The following SPAG16 variants were observed in gnomAD, a reference collection of about 807,000 sequenced individuals.
SPAG16 encodes sperm-associated antigen 16 protein.
SPAG16 carries 86 observed loss-of-function variants against 80.4 expected under a neutral mutation model. That is an observed-to-expected ratio of 1.07 (90% CI 0.90 to 1.28). SPAG16 has a LOEUF of 1.28. Among genes scored for constraint, SPAG16 ranks in the 50% most tolerant of loss-of-function variants. SPAG16 has a pLI of 0.00. For synonymous variants in SPAG16, 294 were observed against 265.9 expected, an observed-to-expected ratio of 1.11 and a Z score of -1.03; for missense variants, 870 against 765.3, an observed-to-expected ratio of 1.14 and a Z score of -1.61.
At chr2:214,173,439 T>C (rs2056954662) in intron 15 of SPAG16, among the ~76,000 whole-genome samples, 1 of 152,044 alleles carries the variant, frequency 6.6e-6, no homozygotes, top group African/African-American at 2.4e-5. Context: ...AGGGCTCTGT[T>C]CTGTTCCATT....
chr2:213,560,071 T>C (rs951438874), intron 10 of SPAG16, among the ~76,000 whole-genome samples: 3 of 152,072 alleles, frequency 2.0e-5, no homozygotes, highest in South Asian at 4.1e-4. Flanking sequence ...ATTATAAATA[T>C]TGAATGCATT....
intron 10 of SPAG16, among the ~76,000 whole-genome samples, chr2:213,833,390 C>G (rs1307186938): frequency 9.0e-6 from 1 of 110,532 alleles, no homozygotes; most frequent in East Asian, 2.4e-4. Flanking sequence ...AGGCATGAGG[C>G]ATGTGTGTGA....
intron 11 of SPAG16, among the ~76,000 whole-genome samples, chr2:213,891,230 G>A (rs1033596741): frequency 2.0e-5 from 3 of 152,020 alleles, no homozygotes; most frequent in Admixed American, 6.6e-5. Context: ...TCAATTGATG[G>A]ACACTTTGAA....
rs200580108 is a variant in SPAG16 at position 214,168,164 on chromosome 2, A to AT, written c.1720+18906dup. ...ACCACCACACCCAGCTAATTTTTGT[A>AT]TTTTTTTTGTAGAGATGGAAATTCA... On this transcript the variant is annotated intron_variant, in intron 15 of 15. Coordinates refer to ENST00000331683, the MANE Select transcript of SPAG16 (RefSeq NM_024532.5). 3.4e-3 allele frequency among the ~76,000 whole-genome samples: 510 copies of AT among 150,684 alleles called. 3 individuals are homozygous for AT. The highest frequency in any genetic ancestry group is 0.011 in the African/African-American group (468 of 41,156).
chr2:214,312,849 C>A (rs1402488956), intron 15 of SPAG16, among the ~76,000 whole-genome samples: 3 of 152,068 alleles, frequency 2.0e-5, no homozygotes. Context: ...AATGGACTTT[C>A]CCTTTCTTGC....
At chr2:213,307,362 C>G (rs867029027) in intron 3 of SPAG16, among the ~76,000 whole-genome samples, 1 of 121,794 alleles carries the variant, frequency 8.2e-6, no homozygotes, top group Non-Finnish European at 1.7e-5. Flanking sequence ...CCCCTCCCCC[C>G]ACCCCACAAC....
chr2:213,419,853 T>C (rs1174514116), intron 9 of SPAG16, among the ~76,000 whole-genome samples: 2 of 152,206 alleles, frequency 1.3e-5, no homozygotes, highest in African/African-American at 2.4e-5. Flanking sequence ...CAAGTAGTGC[T>C]AAGTATGTAT....
chr2:213,292,692 A>AAAAAAC lies in SPAG16; in HGVS notation c.137-3370_137-3369insAAACAA, dbSNP rs142889153. On this transcript the variant is annotated intron_variant, in intron 1 of 15. Transcript: ENST00000331683. ...AAAAAAAAACAAAAAAAACAAAAAA[A>AAAAAAC]AACAAAACTATCAGAAAGATATAAA... 6.0e-4 allele frequency among the ~76,000 whole-genome samples: 81 copies of AAAAAAC among 135,910 alleles called. 1 individual carries two copies. The highest frequency in any genetic ancestry group is 1.2e-3 in the Non-Finnish European group (73 of 62,630). 89.2% of individuals were successfully genotyped at this position (135,910 alleles called of 152,430 possible). A position where few individuals can be genotyped will look rare whatever the true frequency, so the allele number is the denominator to read the frequency against.
At chr2:213,981,250 A>G (rs930296306) in intron 12 of SPAG16, among the ~76,000 whole-genome samples, 3 of 152,166 alleles carry the variant, frequency 2.0e-5, no homozygotes, top group African/African-American at 7.2e-5. Context: ...ACTCTAATCA[A>G]TTCCTTATTC....
chr2:214,059,202 ATATATATATATATGTATGTG>A (rs2050110462), intron 13 of SPAG16, among the ~76,000 whole-genome samples: 1 of 107,328 alleles, frequency 9.3e-6, no homozygotes, highest in Non-Finnish European at 1.8e-5. Context: ...ATATATATAT[ATATATATATATATGTATGTG>A]TATATATATA....
At chr2:214,006,361 A>G (rs1281777188) in intron 12 of SPAG16, among the ~76,000 whole-genome samples, 2 of 152,230 alleles carry the variant, frequency 1.3e-5, no homozygotes, top group East Asian at 1.9e-4. Flanking sequence ...TAACATATGT[A>G]TGGGAGATGC....
intron 15 of SPAG16, among the ~76,000 whole-genome samples, chr2:214,349,347 T>C (rs1698259520): frequency 6.6e-6 from 1 of 152,246 alleles, no homozygotes; most frequent in Non-Finnish European, 1.5e-5. Context: ...AATGCAGTCA[T>C]ACAATATGTA....
chr2:213,680,193 A>G (rs1361624952), intron 10 of SPAG16, among the ~76,000 whole-genome samples: 1 of 152,092 alleles, frequency 6.6e-6, no homozygotes, highest in Non-Finnish European at 1.5e-5. Flanking sequence ...AAATTCCACC[A>G]CTGGCAGAAA....
At chr2:213,495,897 T>C (rs1310024186) in intron 10 of SPAG16, among the ~76,000 whole-genome samples, 2 of 152,098 alleles carry the variant, frequency 1.3e-5, no homozygotes, top group Admixed American at 6.6e-5. Context: ...TAAGTGACCC[T>C]GGAGAATAGG....
At chr2:213,694,376 C>T (rs1344339720) in intron 10 of SPAG16, among the ~76,000 whole-genome samples, 1 of 152,184 alleles carries the variant, frequency 6.6e-6, no homozygotes. Flanking sequence ...TAATTGTTCA[C>T]AATTTTACTA....
rs1398200873 is a variant in SPAG16, at chr2:214,116,523, T to A, written c.1593+8262T>A. 2.0e-5 allele frequency among the ~76,000 whole-genome samples: 3 copies of A among 152,148 alleles called. No homozygotes were observed. In the East Asian group the frequency reaches 5.8e-4, roughly 29 times the overall value. On this transcript the variant is annotated intron_variant, in intron 14 of 15. Coordinates refer to ENST00000331683, the MANE Select transcript of SPAG16 (RefSeq NM_024532.5). ...GGGCCAGTGAGACAGGTTCGTCAGC[T>A]GCTGTCACACAGCAGATCCTGAGAG...
intron 10 of SPAG16, among the ~76,000 whole-genome samples, chr2:213,844,692 T>C (rs1257129142): frequency 6.6e-6 from 1 of 152,210 alleles, no homozygotes; most frequent in Non-Finnish European, 1.5e-5. Context: ...CTAAGGAGCA[T>C]AAATTTTTTT....
chr2:214,286,863 C>T (rs1693404607), intron 15 of SPAG16, among the ~76,000 whole-genome samples: 1 of 152,150 alleles, frequency 6.6e-6, no homozygotes, highest in South Asian at 2.1e-4. Context: ...TAATGCTACC[C>T]ATAGTAGGCT....
chr2:214,354,570 A>G (rs1327002643), intron 15 of SPAG16, among the ~76,000 whole-genome samples: 1 of 152,092 alleles, frequency 6.6e-6, no homozygotes, highest in Admixed American at 6.6e-5. Flanking sequence ...ATGGCATTGA[A>G]TCTATAAATT....
Sources: gnomAD v4.1 joint callset for allele counts (sites outside exome capture counted in the v4.1 genomes callset) on GRCh38, gnomAD v4.1.1 for gene constraint, MANE v1.5 for transcripts, NCBI Gene and HGNC (gene_info 2026-07-23, HGNC 2026-07-21) for gene names.